Variants in PTGER2 observed in about 807,000 individuals in gnomAD.
PTGER2 encodes the protein prostaglandin E receptor 2, also known as prostaglandin E2 receptor EP2 subtype.
A neutral mutation model predicts 26.2 loss-of-function variants in PTGER2; 22 were observed. The ratio of observed to expected loss-of-function variants is 0.84; its 90% CI spans 0.60 to 1.20. The LOEUF is 1.20. Among genes scored for constraint, PTGER2 ranks in the 50% most tolerant of loss-of-function variants. The probability of loss-of-function intolerance (pLI) is 0.00; values close to 1 mark genes in which losing one functional copy is unlikely to be tolerated. For synonymous variants in PTGER2, 219 were observed against 208.9 expected (o/e 1.05, Z -0.42); for missense variants, 458 against 475.2 (o/e 0.96, Z 0.34).
chr14:52,316,460 C>T (rs2033842169), intron 1 of PTGER2, among the ~76,000 whole-genome samples: 1 of 152,128 alleles, frequency 6.6e-6, no homozygotes, highest in African/African-American at 2.4e-5. Flanking sequence ...AACTCCACTT[C>T]CTAATCTTCA....
At position 52,320,452 on chromosome 14, in the gene PTGER2, G is replaced by A. The variant is rs188640138; in HGVS notation, c.843+5061G>A. 1.4e-3 allele frequency among the ~76,000 whole-genome samples: 212 copies of A among 152,210 alleles called. 3 individuals carry two copies. Among genetic ancestry groups the A allele is most frequent in the Non-Finnish European group, 4.9e-4 (33 of 67,992 alleles). On this transcript the variant is annotated intron_variant, in intron 1 of 1. Transcript: ENST00000245457. ...TTAGACCAGGTCCTCAGCTTAAAGA[G>A]AAACACCTTCTGGAGATGGTATATT...
chr14:52,314,326 G>A lies in PTGER2; in HGVS notation c.-223G>A, dbSNP rs2033807334. The A allele has an allele frequency of 2.5e-6, 1 of 397,722 alleles. No homozygotes were observed. The highest frequency in any genetic ancestry group is 4.2e-6 in the Non-Finnish European group (1 of 239,104). The allele number at this position is 397,722 out of a possible 1,614,324, so 24.6% of individuals were successfully genotyped here. ...CCTTGGCCGGCGCGGGTAGGCGCGG[G>A]AGCCTCGAGCGCCGCTCGGATGCAG... On this transcript the variant is annotated 5_prime_UTR_variant, in exon 1 of 2. Transcript: ENST00000245457. The surrounding 1 kb of genome is among the most constrained non-coding windows in gnomAD (Gnocchi z 5.7).
At chr14:52,318,335 A>G (rs977557140) in intron 1 of PTGER2, among the ~76,000 whole-genome samples, 6 of 152,260 alleles carry the variant, frequency 3.9e-5, no homozygotes, top group Non-Finnish European at 7.3e-5. Flanking sequence ...GCAAGCCACA[A>G]ACGGAATTTT....
chr14:52,316,810 T>C (rs147618052), intron 1 of PTGER2, among the ~76,000 whole-genome samples: 19 of 152,298 alleles, frequency 1.2e-4, no homozygotes, highest in African/African-American at 4.1e-4. Context: ...CTGTTCTGAA[T>C]TGGTTACACT....
In PTGER2 at chr14:52,327,323, G is replaced by C. The variant is rs1275436263; in HGVS notation, c.946G>C (p.Ala316Pro). Residue 316 changes from alanine to proline, a missense_variant, in exon 2 of 2, where the codon GCC becomes CCC. Ala to Pro is a conservative substitution (Grantham distance 27). Coordinates refer to ENST00000245457, the MANE Select transcript of PTGER2 (RefSeq NM_000956.4). ...TTCAATAATTGACCCTTGGGTCTTT[G>C]CCATCCTTAGGCCTCCTGTTCTGAG... The part of the protein sequence containing the change: ...INSIIDPWVF[A>P]ILRPPVLRLM... 6.2e-7 allele frequency: 1 copy of C among 1,612,728 alleles called. No homozygotes were observed. Among genetic ancestry groups the C allele is most frequent in the Non-Finnish European group, 8.5e-7 (1 of 1,178,850 alleles).
At position 52,315,343 on chromosome 14, in the gene PTGER2, C is replaced by T. The variant is rs769746661; in HGVS notation, c.795C>T (p.Leu265=). 4 of 1,613,468 alleles carry T rather than the reference C, an allele frequency of 2.5e-6. No homozygotes were observed. Among genetic ancestry groups the T allele is most frequent in the Non-Finnish European group, 3.4e-6 (4 of 1,179,944 alleles). The part of the protein sequence containing the change: ...SMAEETDHLI[L]LAIMTITFAV... ...CGGAGGAGACGGACCACCTCATTCT[C>T]CTGGCTATCATGACCATCACCTTCG... Residue 265 remains leucine, a synonymous_variant, in exon 1 of 2, where the codon CTC becomes CTT. Coordinates refer to ENST00000245457, the MANE Select transcript of PTGER2 (RefSeq NM_000956.4).
intron 1 of PTGER2, among the ~76,000 whole-genome samples, chr14:52,321,288 A>G (rs1218732691): frequency 6.6e-6 from 1 of 152,130 alleles, no homozygotes; most frequent in Non-Finnish European, 1.5e-5. Flanking sequence ...TGAATTAGGC[A>G]AAGTCTATAG....
chr14:52,314,727 G>A lies in PTGER2; in HGVS notation c.179G>A (p.Arg60His), dbSNP rs139726427. 14 of 1,584,876 alleles carry A rather than the reference G, an allele frequency of 8.8e-6. No homozygotes were observed. The African/African-American group carries it at 1.9e-4, about 21-fold the overall frequency. The change falls in exon 1 of 2, where the codon CGC becomes CAC. Residue 60 changes from arginine (R) to histidine (H), a missense_variant. By Grantham distance (29) the Arg-to-His change is conservative (BLOSUM62 0). Coordinates refer to ENST00000245457, the MANE Select transcript of PTGER2 (RefSeq NM_000956.4). This position sits in a 1 kb window ranked among gnomAD's most constrained non-coding sequence, Gnocchi z 5.7. The stretch of plus-strand genomic sequence containing the variant: ...GGGGACGTGGGGTGCAGCGCCGGCC[G>A]CAGGAGCTCCCTCTCCTTGTTCCAC... Reference protein sequence around the residue: ...WRGDVGCSAGRRSSLSLFHVL... With the variant: ...WRGDVGCSAGHRSSLSLFHVL...
intron 1 of PTGER2, among the ~76,000 whole-genome samples, chr14:52,318,023 G>T (rs1419763277): frequency 6.6e-6 from 1 of 152,068 alleles, no homozygotes; most frequent in Non-Finnish European, 1.5e-5. Context: ...TTTCTTGAAG[G>T]GCTTATCTGA....
chr14:52,324,411 G>C lies in PTGER2; in HGVS notation c.844-2810G>C, dbSNP rs559596189. Among the ~76,000 whole-genome samples, 3 of 152,224 alleles carry C rather than the reference G, an allele frequency of 2.0e-5. No individual in the cohort carries two copies. The South Asian group carries it at 6.2e-4, about 31-fold the overall frequency. On this transcript the variant is annotated intron_variant, in intron 1 of 1. Transcript: ENST00000245457. ...GTTGCCTGGTACCTGGCATTGGAAT[G>C]ATAAAAGCAGAGGAATAAATATTTC...
rs111261218 is a variant in PTGER2, at chr14:52,319,028, C to T, written c.843+3637C>T. Among the ~76,000 whole-genome samples, 600 of 152,320 alleles carry T rather than the reference C, an allele frequency of 3.9e-3. 3 individuals are homozygous for T. The highest frequency in any genetic ancestry group is 0.014 in the African/African-American group (568 of 41,562). The stretch of plus-strand genomic sequence containing the variant: ...TGGGTGGTGGAACTGGGACTCAAAG[C>T]TAGGCAATTTAAGCACTGAGCCAAT... On this transcript the variant is annotated intron_variant, in intron 1 of 1. Transcript: ENST00000245457.
In PTGER2 at chr14:52,320,232, T is replaced by G. The variant is rs561924389; in HGVS notation, c.843+4841T>G. ...ACATGATGTTTTAAGAGAAAGTTCC[T>G]CTATATGAGTGTTTTCACTTGACGT... On this transcript the variant is annotated intron_variant, in intron 1 of 1. Transcript: ENST00000245457. Among the ~76,000 whole-genome samples the G allele has an allele frequency of 4.6e-5, 7 of 152,374 alleles. No individual in the cohort carries two copies. In the South Asian group the frequency reaches 1.4e-3, roughly 32 times the overall value.
intron 1 of PTGER2, among the ~76,000 whole-genome samples, chr14:52,323,689 A>C (rs779108368): frequency 6.6e-6 from 1 of 152,222 alleles, no homozygotes; most frequent in Non-Finnish European, 1.5e-5. Context: ...GTCAGTGCCA[A>C]AATGAAGTTT....
chr14:52,326,095 C>G (rs1212898655), intron 1 of PTGER2, among the ~76,000 whole-genome samples: 1 of 152,192 alleles, frequency 6.6e-6, no homozygotes, highest in African/African-American at 2.4e-5. Flanking sequence ...TGATCTTTAT[C>G]AAGATGCATT....
chr14:52,321,788 A>G (rs1449262347), intron 1 of PTGER2, among the ~76,000 whole-genome samples: 2 of 152,254 alleles, frequency 1.3e-5, no homozygotes, highest in Non-Finnish European at 2.9e-5. Flanking sequence ...CACCATGCCT[A>G]ACACACAGTA....
chr14:52,322,843 T>G (rs2033911458), intron 1 of PTGER2, among the ~76,000 whole-genome samples: 1 of 152,200 alleles, frequency 6.6e-6, no homozygotes, highest in South Asian at 2.1e-4. Context: ...CGGCTCTATT[T>G]TGCCCGACCC....
intron 1 of PTGER2, among the ~76,000 whole-genome samples, chr14:52,318,068 A>G (rs1231126313): frequency 6.6e-6 from 1 of 152,228 alleles, no homozygotes; most frequent in Non-Finnish European, 1.5e-5. Context: ...TGGTTCATAC[A>G]TTCTGCTGTT....
chr14:52,314,472 G>T lies in PTGER2; in HGVS notation c.-77G>T, dbSNP rs1051464674. On this transcript the variant is annotated 5_prime_UTR_variant, in exon 1 of 2. Coordinates refer to ENST00000245457, the MANE Select transcript of PTGER2 (RefSeq NM_000956.4). This position sits in a 1 kb window ranked among gnomAD's most constrained non-coding sequence, Gnocchi z 5.7. ...CCCTTTTTCCTCTGAGTCTCGGAAC[G>T]CTCCGGCTCTCAGACCCTCTTCCTC... 4 of 1,328,216 alleles carry T rather than the reference G, an allele frequency of 3.0e-6. No individual in the cohort carries two copies. In the African/African-American group the frequency reaches 6.0e-5, roughly 20 times the overall value. 82.3% of individuals were successfully genotyped at this position (1,328,216 alleles called of 1,614,324 possible). A position where few individuals can be genotyped will look rare whatever the true frequency, so the allele number is the denominator to read the frequency against.
Position 52,315,302 on chromosome 14 carries a change from G to T in PTGER2, c.754G>T (p.Glu252Ter). Residue 252 changes from glutamate (E) to a stop codon, truncating the protein, a stop_gained, in exon 1 of 2, where the codon GAA (glutamate) becomes TAA (stop). Coordinates refer to ENST00000245457, the MANE Select transcript of PTGER2 (RefSeq NM_000956.4). LOFTEE classifies it high-confidence loss of function. ...CGGCCCCGGGGCCCGCAGGAGAGGGGAAAGGGTGTCCATGGCGGAGGAGAC... is the reference window on the plus strand; with the variant it reads ...CGGCCCCGGGGCCCGCAGGAGAGGGTAAAGGGTGTCCATGGCGGAGGAGAC... The part of the protein sequence containing the change: ...RGGPGARRRG[E>*]RVSMAEETDH... 6.2e-7 allele frequency: 1 copy of T among 1,613,264 alleles called. No homozygotes were observed. The highest frequency in any genetic ancestry group is 1.1e-5 in the South Asian group (1 of 91,020).
Sources: gnomAD v4.1 joint callset for allele counts (sites outside exome capture counted in the v4.1 genomes callset) on GRCh38, gnomAD v4.1.1 for gene constraint, Gnocchi (gnomAD v3.1) non-coding constraint, MANE v1.5 for transcripts, NCBI Gene and HGNC (gene_info 2026-07-23, HGNC 2026-07-21) for gene names.